NEDD4L: variants seen among roughly 807,000 people sequenced by gnomAD.
The protein encoded by NEDD4L is NEDD4 like E3 ubiquitin protein ligase.
Under a neutral mutation model 148.9 loss-of-function variants are expected in NEDD4L, and 54 were observed. The ratio of observed to expected loss-of-function variants is 0.36; its 90% CI spans 0.29 to 0.45. The LOEUF is 0.45. Ranked by LOEUF, NEDD4L falls within the 20% of genes least tolerant of loss-of-function variation. The pLI is 1.00. For missense variants in NEDD4L, 856 were observed against 1,233.8 expected (o/e 0.69, Z 4.59); for synonymous variants, 433 against 440.7 (o/e 0.98, Z 0.22).
At chr18:58,062,398 G>A (rs2082372351) in intron 1 of NEDD4L, among the ~76,000 whole-genome samples, 1 of 152,086 alleles carries the variant, frequency 6.6e-6, no homozygotes, top group Non-Finnish European at 1.5e-5. Context: ...GGCATTTCGG[G>A]GTGGAATCTG....
intron 2 of NEDD4L, among the ~76,000 whole-genome samples, chr18:58,231,805 C>G (rs2148144926): frequency 6.6e-6 from 1 of 152,180 alleles, no homozygotes; most frequent in Admixed American, 6.5e-5. Flanking sequence ...CTCAGATGAT[C>G]CACTTGCCTT....
chr18:58,091,719 G>A (rs2084083108), intron 1 of NEDD4L: 1 of 152,246 alleles, frequency 6.6e-6, no homozygotes, highest in South Asian at 2.1e-4. Flanking sequence ...GCTAGTAAAA[G>A]GAGAAGCCAG....
intron 1 of NEDD4L, among the ~76,000 whole-genome samples, chr18:58,142,297 C>G (rs1005031131): frequency 6.6e-6 from 1 of 151,138 alleles, no homozygotes; most frequent in Admixed American, 6.6e-5. Context: ...ATCCACCTGC[C>G]TCGACCTCCC....
intron 1 of NEDD4L, among the ~76,000 whole-genome samples, chr18:58,107,648 A>G (rs1019764534): frequency 6.6e-6 from 1 of 152,022 alleles, no homozygotes; most frequent in Non-Finnish European, 1.5e-5. Context: ...GAGCCTGGGA[A>G]GTCAAGTCTG....
At chr18:58,076,898 T>A (rs181095408) in intron 1 of NEDD4L, among the ~76,000 whole-genome samples, 2 of 150,610 alleles carry the variant, frequency 1.3e-5, no homozygotes, top group East Asian at 3.9e-4. Flanking sequence ...TCACCCAGGC[T>A]GGAGTGCAGT....
chr18:58,198,274 G>A (rs2040963173), intron 2 of NEDD4L, among the ~76,000 whole-genome samples: 1 of 152,026 alleles, frequency 6.6e-6, no homozygotes, highest in Non-Finnish European at 1.5e-5. Context: ...AAATTGGATG[G>A]CACCGTCCTG....
chr18:58,058,840 CAAT>C (rs1156533917), intron 1 of NEDD4L, among the ~76,000 whole-genome samples: 1 of 152,192 alleles, frequency 6.6e-6, no homozygotes, highest in Non-Finnish European at 1.5e-5. Flanking sequence ...TCACTGACAG[CAAT>C]GAAGGATTGT....
At chr18:58,115,373 T>C (rs756294952) in intron 1 of NEDD4L, among the ~76,000 whole-genome samples, 1 of 151,938 alleles carries the variant, frequency 6.6e-6, no homozygotes, top group Non-Finnish European at 1.5e-5. Flanking sequence ...GGAGATGCAA[T>C]TCCCTGCTTA....
intron 1 of NEDD4L, among the ~76,000 whole-genome samples, chr18:58,154,053 T>G (rs2035149099): frequency 1.3e-5 from 2 of 152,178 alleles, no homozygotes; most frequent in Non-Finnish European, 2.9e-5. Context: ...CAGAAAGAAA[T>G]AGCACTGAGT....
intron 1 of NEDD4L, among the ~76,000 whole-genome samples, chr18:58,134,907 A>G (rs1437607095): frequency 6.6e-6 from 1 of 152,032 alleles, no homozygotes; most frequent in Non-Finnish European, 1.5e-5. Context: ...GGAAAGGGTG[A>G]TGGAGTAGGA....
chr18:58,356,288 C>CTTT (rs34623575), intron 18 of NEDD4L, among the ~76,000 whole-genome samples: 2 of 136,756 alleles, frequency 1.5e-5, no homozygotes, highest in East Asian at 2.1e-4. Context: ...TTTTCTTCTT[C>CTTT]TTTTTTTTTT....
At chr18:58,112,075 C>T (rs2085456492) in intron 1 of NEDD4L, among the ~76,000 whole-genome samples, 1 of 152,210 alleles carries the variant, frequency 6.6e-6, no homozygotes, top group Admixed American at 6.5e-5. Context: ...GCAACTTATG[C>T]TGTCATTAAC....
intron 5 of NEDD4L, among the ~76,000 whole-genome samples, chr18:58,301,921 A>C (rs1161788250): frequency 6.6e-6 from 1 of 152,128 alleles, no homozygotes; most frequent in Non-Finnish European, 1.5e-5. Context: ...GGAGGTGCCC[A>C]CCAGTGTGCA....
chr18:58,192,889 T>C (rs2040265744), intron 2 of NEDD4L, among the ~76,000 whole-genome samples: 1 of 152,204 alleles, frequency 6.6e-6, no homozygotes, highest in Admixed American at 6.5e-5. Flanking sequence ...AAGGATCCTT[T>C]AATGTATAGA....
intron 2 of NEDD4L, among the ~76,000 whole-genome samples, chr18:58,234,143 C>T (rs916556812): frequency 7.1e-6 from 1 of 140,302 alleles, no homozygotes; most frequent in Admixed American, 7.4e-5. Flanking sequence ...CTTTCTTTCT[C>T]TCTCTCTTTC....
chr18:58,351,513 A>G (rs942010181), intron 18 of NEDD4L, among the ~76,000 whole-genome samples: 5 of 152,364 alleles, frequency 3.3e-5, no homozygotes, highest in South Asian at 2.1e-4. Context: ...GTTTCCTTGC[A>G]CCCACAACAC....
In NEDD4L at chr18:58,195,589, TGTTG is replaced by T. The variant is rs773107613; in HGVS notation, c.122+29732_122+29735del. ...CAGCACGGCACCTCCCACTCCAGGC[TGTTG>T]GTTACCTGGCCGGGAGCTGGCGGAG... On this transcript the variant is annotated intron_variant, in intron 2 of 30. Transcript: ENST00000400345. The T allele has an allele frequency of 8.2e-6, 11 of 1,341,616 alleles. No individual in the cohort carries two copies. In the Admixed American group the frequency reaches 2.1e-4, roughly 26 times the overall value. 83.1% of individuals were successfully genotyped at this position (1,341,616 alleles called of 1,614,324 possible). A position where few individuals can be genotyped will look rare whatever the true frequency, so the allele number is the denominator to read the frequency against.
At position 58,390,655 on chromosome 18, in the gene NEDD4L, C is replaced by T. The variant is rs775922627; in HGVS notation, c.2665C>T (p.Leu889Phe). 6.9e-6 allele frequency: 11 copies of T among 1,584,136 alleles called. No homozygotes were observed. The highest frequency in any genetic ancestry group is 1.7e-4 in the Middle Eastern group (1 of 6,042). The change falls in exon 29 of 31, where the codon CTC becomes TTC. Residue 889 changes from leucine (L) to phenylalanine (F), a missense_variant. This residue lies in a region of NEDD4L where 286 missense variants were observed against 531.8 expected (regional missense o/e 0.54). Transcript: ENST00000400345. ...CTGCCTCTGTTCATAGGCTGTGCTA[C>T]TCATGGACGCCGAAAAGCGTATCCG... ...VIQWFWKAVL[L>F]MDAEKRIRLL...
intron 30 of NEDD4L, among the ~76,000 whole-genome samples, chr18:58,395,403 T>C (rs916831628): frequency 1.3e-5 from 2 of 152,154 alleles, no homozygotes; most frequent in African/African-American, 4.8e-5. Context: ...TTGGCACTCA[T>C]ATGTGCAGTT....
Sources: allele counts gnomAD v4.1 joint callset (sites outside exome capture counted in the v4.1 genomes callset), GRCh38; gene constraint gnomAD v4.1.1; regional missense constraint gnomAD v4.1.1; transcripts MANE v1.5; gene names NCBI Gene and HGNC (gene_info 2026-07-23, HGNC 2026-07-21).